Variants in GPATCH2 observed in about 807,000 individuals in gnomAD.
GPATCH2 encodes G-patch domain containing 2.
A neutral mutation model predicts 58.0 loss-of-function variants in GPATCH2; 51 were observed. The observed-to-expected ratio is 0.88, with a 90% confidence interval of 0.70 to 1.11. The LOEUF is 1.11. Ranked by LOEUF, GPATCH2 falls within the 50% of genes most tolerant of loss-of-function variation. The pLI is 0.00. For missense variants in GPATCH2, 625 were observed against 652.2 expected (o/e 0.96, Z 0.45); for synonymous variants, 222 against 218.5 (o/e 1.02, Z -0.14).
intron 5 of GPATCH2, among the ~76,000 whole-genome samples, chr1:217,520,211 T>C (rs1419410379): frequency 6.6e-6 from 1 of 152,126 alleles, no homozygotes; most frequent in Non-Finnish European, 1.5e-5. Flanking sequence ...TAGGGAGAAG[T>C]CACTACAAAT....
intron 5 of GPATCH2, among the ~76,000 whole-genome samples, chr1:217,574,552 A>G (rs2102726608): frequency 6.6e-6 from 1 of 152,326 alleles, no homozygotes; most frequent in East Asian, 1.9e-4. Context: ...GAGACAAACA[A>G]TAAAAGGAAT....
At chr1:217,597,696 T>C (rs1247442381) in intron 5 of GPATCH2, among the ~76,000 whole-genome samples, 1 of 152,196 alleles carries the variant, frequency 6.6e-6, no homozygotes, top group Non-Finnish European at 1.5e-5. Flanking sequence ...GATACCCTTT[T>C]ACTAAAATCA....
rs1658468640 is a variant in GPATCH2, at chr1:217,430,194, G to A, written c.*951C>T. 6.6e-6 allele frequency: 1 copy of A among 152,066 alleles called. No individual in the cohort carries two copies. Among genetic ancestry groups the A allele is most frequent in the Non-Finnish European group, 1.5e-5 (1 of 68,020 alleles). 9.4% of individuals were successfully genotyped at this position (152,066 alleles called of 1,614,324 possible). ...CTTTTGTTCACCTTCTAAATGGGTT[G>A]GGTCATTGCCAGAAATCTGAGTTCT... is the stretch of plus-strand genomic sequence containing the variant. On this transcript the variant is annotated 3_prime_UTR_variant, in exon 10 of 10. Transcript: ENST00000366935.
chr1:217,565,298 CAT>C (rs1666164989), intron 5 of GPATCH2, among the ~76,000 whole-genome samples: 1 of 151,924 alleles, frequency 6.6e-6, no homozygotes. Flanking sequence ...AGTCAATGTA[CAT>C]TAAGAGAAAA....
At chr1:217,593,236 A>C (rs1667672169) in intron 5 of GPATCH2, among the ~76,000 whole-genome samples, 1 of 152,010 alleles carries the variant, frequency 6.6e-6, no homozygotes, top group African/African-American at 2.4e-5. Flanking sequence ...AAGTGGCACA[A>C]ATGTATCAAA....
intron 1 of GPATCH2, among the ~76,000 whole-genome samples, chr1:217,627,997 G>A (rs1239872884): frequency 6.6e-6 from 1 of 151,900 alleles, no homozygotes; most frequent in Non-Finnish European, 1.5e-5. Flanking sequence ...AAATGCATTA[G>A]GCAAACAGTA....
chr1:217,584,094 T>C (rs551222336), intron 5 of GPATCH2, among the ~76,000 whole-genome samples: 22 of 152,018 alleles, frequency 1.4e-4, no homozygotes, highest in African/African-American at 4.3e-4. Flanking sequence ...GTAAATCTTA[T>C]AGATCTAAAT....
chr1:217,504,458 A>G (rs1662452808), intron 6 of GPATCH2, among the ~76,000 whole-genome samples: 2 of 152,238 alleles, frequency 1.3e-5, no homozygotes, highest in Admixed American at 1.3e-4. Flanking sequence ...GAAAAGGATA[A>G]TGATAATAAC....
At chr1:217,585,350 C>T (rs1218532994) in intron 5 of GPATCH2, among the ~76,000 whole-genome samples, 1 of 152,086 alleles carries the variant, frequency 6.6e-6, no homozygotes, top group Non-Finnish European at 1.5e-5. Flanking sequence ...GTGCCGGGCG[C>T]GGTGGCTCAC....
At chr1:217,457,549 G>A (rs1304565585) in intron 8 of GPATCH2, among the ~76,000 whole-genome samples, 1 of 152,156 alleles carries the variant, frequency 6.6e-6, no homozygotes, top group Non-Finnish European at 1.5e-5. Context: ...TAGAGTCACA[G>A]ATGGAAGGCA....
chr1:217,626,518 G>T (rs555890371), intron 1 of GPATCH2, among the ~76,000 whole-genome samples: 1 of 152,230 alleles, frequency 6.6e-6, no homozygotes, highest in South Asian at 2.1e-4. Context: ...CATGCAAATG[G>T]TGAGCCTTCA....
intron 5 of GPATCH2, among the ~76,000 whole-genome samples, chr1:217,522,148 A>AT (rs555937595): frequency 6.6e-6 from 1 of 152,138 alleles, no homozygotes; most frequent in African/African-American, 2.4e-5. Context: ...ATTGTAAACA[A>AT]TTTTTTCCTA....
intron 5 of GPATCH2, among the ~76,000 whole-genome samples, chr1:217,539,577 A>G (rs965110549): frequency 1.3e-5 from 2 of 152,202 alleles, no homozygotes; most frequent in African/African-American, 4.8e-5. Context: ...CCTATGATAA[A>G]TGGACTTATT....
chr1:217,450,533 C>T (rs1370153084), intron 8 of GPATCH2, among the ~76,000 whole-genome samples: 1 of 152,066 alleles, frequency 6.6e-6, no homozygotes, highest in Non-Finnish European at 1.5e-5. Context: ...CTAAGGGCCA[C>T]ATGCAGTCAA....
At chr1:217,482,055 G>A (rs1253783931) in intron 8 of GPATCH2, among the ~76,000 whole-genome samples, 1 of 151,248 alleles carries the variant, frequency 6.6e-6, no homozygotes. Context: ...AGTAAACTGA[G>A]AGAGAGAGAG....
At chr1:217,606,272 G>A (rs995465990) in intron 5 of GPATCH2, among the ~76,000 whole-genome samples, 8 of 151,494 alleles carry the variant, frequency 5.3e-5, no homozygotes, top group African/African-American at 1.9e-4. Flanking sequence ...AGAGTTTAGA[G>A]CAGTTTCTCA....
chr1:217,574,304 C>T (rs1039997933), intron 5 of GPATCH2, among the ~76,000 whole-genome samples: 1 of 152,048 alleles, frequency 6.6e-6, no homozygotes, highest in South Asian at 2.1e-4. Context: ...TATCCTAGCC[C>T]GAGCCCCAAA....
intron 7 of GPATCH2, among the ~76,000 whole-genome samples, chr1:217,496,239 C>T (rs1332053471): frequency 1.3e-5 from 2 of 152,146 alleles, no homozygotes; most frequent in African/African-American, 2.4e-5. Context: ...CACCTACTTG[C>T]TAACATTTAT....
rs528897172 is a variant in GPATCH2 at position 217,548,626 on chromosome 1, A to G, written c.1099-33737T>C. Among the ~76,000 whole-genome samples, 22 of 152,274 alleles carry G rather than the reference A, an allele frequency of 1.4e-4. No homozygotes were observed. The South Asian group carries it at 4.6e-3, about 32-fold the overall frequency. On this transcript the variant is annotated intron_variant, in intron 5 of 9. Transcript: ENST00000366935. ...ATATGGTTTGGCTGTGTCCCCACCC[A>G]AATCTCATCTTGTAGTTCCCATAAT...
Sources: allele counts gnomAD v4.1 joint callset (sites outside exome capture counted in the v4.1 genomes callset), GRCh38; gene constraint gnomAD v4.1.1; transcripts MANE v1.5; gene names NCBI Gene and HGNC (gene_info 2026-07-23, HGNC 2026-07-21).